The following BMP5 variants were observed in gnomAD, a reference collection of about 807,000 sequenced individuals.
The protein encoded by BMP5 is bone morphogenetic protein 5.
A neutral mutation model predicts 46.6 loss-of-function variants in BMP5; 23 were observed. The ratio of observed to expected loss-of-function variants is 0.49; its 90% confidence interval spans 0.35 to 0.70. BMP5 has a LOEUF of 0.70. Among genes scored for constraint, BMP5 ranks in the 30% least tolerant of loss-of-function variants. The pLI, the probability that BMP5 is intolerant of heterozygous loss-of-function variation, is 0.00. For missense variants in BMP5, 545 were observed against 565.6 expected (o/e 0.96, Z 0.37); for synonymous variants, 204 against 191.9 (o/e 1.06, Z -0.52).
At chr6:55,764,114 A>G (rs1048505960) in intron 4 of BMP5, among the ~76,000 whole-genome samples, 1 of 152,196 alleles carries the variant, frequency 6.6e-6, no homozygotes, top group African/African-American at 2.4e-5. Flanking sequence ...ACCACTGGGT[A>G]TATATCCAAA....
intron 1 of BMP5, among the ~76,000 whole-genome samples, chr6:55,869,099 A>G (rs535675485): frequency 6.6e-6 from 1 of 152,254 alleles, no homozygotes; most frequent in African/African-American, 2.4e-5. Flanking sequence ...GTGGTTTTTT[A>G]AAGCTGAGCT....
intron 1 of BMP5, among the ~76,000 whole-genome samples, chr6:55,839,720 C>T (rs77409013): frequency 0.022 from 3,384 of 152,206 alleles, 119 homozygotes; most frequent in African/African-American, 0.077. Context: ...AATATTGTTG[C>T]TGTTATCCTT....
Position 55,774,242 on chromosome 6 carries a change from T to C in BMP5, c.834A>G (p.Gly278=). 1 of 1,612,430 alleles carries C rather than the reference T, an allele frequency of 6.2e-7. No individual in the cohort carries two copies. Among genetic ancestry groups the C allele is most frequent in the South Asian group, 1.1e-5 (1 of 91,058 alleles). ...CAGCAGATTTTACGTTGATACTGCG[T>C]CCTAGAACGTAATACAAAAGCACTT... The part of the protein sequence containing the change: ...GLQLCAETGD[G]RSINVKSAGL... The change falls in exon 4 of 7, where the codon GGA becomes GGG. Residue 278 remains glycine (G), a splice_region_variant and synonymous_variant. Transcript: ENST00000370830.
intron 1 of BMP5, among the ~76,000 whole-genome samples, chr6:55,836,676 G>A (rs1395076724): frequency 1.3e-5 from 2 of 150,510 alleles, no homozygotes; most frequent in Non-Finnish European, 3.0e-5. Flanking sequence ...AGGCATTACT[G>A]GAAGACCTCC....
chr6:55,853,342 TTCTCTCTCTC>T (rs5876469), intron 1 of BMP5, among the ~76,000 whole-genome samples: 1 of 129,280 alleles, frequency 7.7e-6, no homozygotes, highest in African/African-American at 2.8e-5. Flanking sequence ...CTCCCCCGCT[TTCTCTCTCTC>T]TCTCTCTCTC....
intron 6 of BMP5, among the ~76,000 whole-genome samples, chr6:55,756,333 A>C (rs1400101464): frequency 6.6e-6 from 1 of 151,958 alleles, no homozygotes; most frequent in African/African-American, 2.4e-5. Context: ...AGTGCCAAAA[A>C]GCAGGCTAAG....
At chr6:55,828,781 G>A (rs1263085406) in intron 1 of BMP5, among the ~76,000 whole-genome samples, 1 of 151,708 alleles carries the variant, frequency 6.6e-6, no homozygotes, top group African/African-American at 2.4e-5. Context: ...GACACAGTTT[G>A]TATAGTTTAA....
intron 6 of BMP5, 146 bp from the exon 7 acceptor site, chr6:55,755,828 G>A (rs1005145221): frequency 1.3e-6 from 1 of 789,154 alleles, no homozygotes; most frequent in Non-Finnish European, 2.1e-6. Flanking sequence ...TGACTGGGGT[G>A]GGGGACTGAA....
intron 2 of BMP5, among the ~76,000 whole-genome samples, chr6:55,802,838 A>G (rs1445608526): frequency 6.7e-6 from 1 of 148,966 alleles, no homozygotes; most frequent in East Asian, 1.9e-4. Context: ...TCTACCTCCC[A>G]TCTAGTATAA....
intron 1 of BMP5, among the ~76,000 whole-genome samples, chr6:55,830,104 A>C (rs1233439633): frequency 6.6e-6 from 1 of 152,208 alleles, no homozygotes; most frequent in East Asian, 1.9e-4. Context: ...ACTGGAATAC[A>C]TAATACATGA....
At chr6:55,756,599 G>A (rs947883778) in intron 6 of BMP5, among the ~76,000 whole-genome samples, 5 of 151,846 alleles carry the variant, frequency 3.3e-5, no homozygotes, top group African/African-American at 1.2e-4. Flanking sequence ...AGTCTTACGG[G>A]ATCCACAAAA....
At chr6:55,829,143 G>A (rs1288792243) in intron 1 of BMP5, among the ~76,000 whole-genome samples, 1 of 151,644 alleles carries the variant, frequency 6.6e-6, no homozygotes, top group African/African-American at 2.4e-5. Context: ...TTCTGTTTAG[G>A]CAAGAACTGC....
chr6:55,779,353 A>G (rs1050960959), intron 3 of BMP5, among the ~76,000 whole-genome samples: 1 of 151,990 alleles, frequency 6.6e-6, no homozygotes, highest in Non-Finnish European at 1.5e-5. Context: ...TCTTTTCTTC[A>G]TTTCAAAAAT....
At position 55,799,006 on chromosome 6, in the gene BMP5, T is replaced by C. The variant is rs185987760; in HGVS notation, c.684-4579A>G. On this transcript the variant is annotated intron_variant, in intron 2 of 6. Transcript: ENST00000370830. ...AAGATGCTAATTGGTGGAATGAGAA[T>C]ATAGAAGCTATATAGCTAAGAAATT... 2.4e-4 allele frequency among the ~76,000 whole-genome samples: 37 copies of C among 152,326 alleles called. No homozygotes were observed. In the East Asian group the frequency reaches 6.6e-3, roughly 27 times the overall value.
Position 55,870,081 on chromosome 6 carries a change from T to C in BMP5, c.490+4295A>G, listed in dbSNP as rs112813453. Among the ~76,000 whole-genome samples, 56 of 150,700 alleles carry C rather than the reference T, an allele frequency of 3.7e-4. 2 individuals are homozygous for C. Among genetic ancestry groups the C allele is most frequent in the African/African-American group, 1.4e-3 (56 of 40,964 alleles). On this transcript the variant is annotated intron_variant, in intron 1 of 6. Transcript: ENST00000370830. Reference sequence around the variant, plus strand: ...GGGAGAGTGGTGATATTACAGAAAATGGAAGAATGAAAGGGAAGGAGAGGT... The same window carrying C: ...GGGAGAGTGGTGATATTACAGAAAACGGAAGAATGAAAGGGAAGGAGAGGT...
intron 2 of BMP5, among the ~76,000 whole-genome samples, chr6:55,812,588 A>G (rs532849677): frequency 3.9e-5 from 6 of 152,328 alleles, no homozygotes; most frequent in Admixed American, 3.9e-4. Context: ...GTGAAAACAT[A>G]TATGCATTGT....
intron 1 of BMP5, among the ~76,000 whole-genome samples, chr6:55,840,675 T>A (rs1776926102): frequency 6.6e-6 from 1 of 152,230 alleles, no homozygotes; most frequent in Non-Finnish European, 1.5e-5. Context: ...TTTATCTTTT[T>A]AAAGTATTAT....
chr6:55,773,400 C>T (rs1775092154), intron 4 of BMP5, among the ~76,000 whole-genome samples: 1 of 151,818 alleles, frequency 6.6e-6, no homozygotes, highest in South Asian at 2.1e-4. Flanking sequence ...CAGTTAGATG[C>T]TTTCTGATCA....
At chr6:55,812,230 T>C (rs1049729398) in intron 2 of BMP5, among the ~76,000 whole-genome samples, 7 of 152,168 alleles carry the variant, frequency 4.6e-5, no homozygotes, top group Non-Finnish European at 7.4e-5. Flanking sequence ...CCAAGTAAAA[T>C]ATAGATTTGG....
Sources: allele counts gnomAD v4.1 joint callset (sites outside exome capture counted in the v4.1 genomes callset), GRCh38; gene constraint gnomAD v4.1.1; transcripts MANE v1.5; gene names NCBI Gene and HGNC (gene_info 2026-07-23, HGNC 2026-07-21).